CYRIA: variants seen among roughly 807,000 people sequenced by gnomAD.
CYRIA encodes the protein CYFIP related Rac1 interactor A.
A neutral mutation model predicts 43.9 loss-of-function variants in CYRIA; 15 were observed. The observed-to-expected ratio is 0.34, with a 90% CI of 0.23 to 0.53. CYRIA has a LOEUF of 0.53. Ranked by LOEUF, CYRIA falls within the 20% of genes least tolerant of loss-of-function variation. The probability of loss-of-function intolerance (pLI) is 0.94; values close to 1 mark genes in which losing one functional copy is unlikely to be tolerated. For missense variants in CYRIA, 236 were observed against 394.2 expected (o/e 0.60, Z 3.40); for synonymous variants, 117 against 136.0 (o/e 0.86, Z 0.97).
rs1312007156 is a variant in CYRIA at position 16,622,896 on chromosome 2, T to C, written c.-11+968A>G. 3 of 152,290 alleles carry C rather than the reference T, an allele frequency of 2.0e-5. No homozygotes were observed. In the East Asian group the frequency reaches 5.8e-4, roughly 29 times the overall value. 9.4% of individuals were successfully genotyped at this position (152,290 alleles called of 1,614,324 possible). On this transcript the variant is annotated intron_variant, in intron 2 of 11. Coordinates refer to ENST00000381323, the MANE Select transcript of CYRIA (RefSeq NM_030797.4). ...AAGAAACAAGTCTGGGATAAGACAA[T>C]CCTGGGAATGCAAAACAAGCTTTAG...
intron 2 of CYRIA, among the ~76,000 whole-genome samples, chr2:16,611,409 C>A (rs567898172): frequency 2.0e-5 from 3 of 152,120 alleles, no homozygotes; most frequent in African/African-American, 7.2e-5. Flanking sequence ...GAAATAAATA[C>A]ATGAGCATTG....
At chr2:16,649,200 A>G (rs1315637269) in intron 1 of CYRIA, among the ~76,000 whole-genome samples, 2 of 152,244 alleles carry the variant, frequency 1.3e-5, no homozygotes, top group Non-Finnish European at 2.9e-5. Flanking sequence ...AGTATATAGG[A>G]GGAGATACAT....
chr2:16,665,075 C>T (rs912623248), intron 1 of CYRIA, among the ~76,000 whole-genome samples: 7 of 152,166 alleles, frequency 4.6e-5, no homozygotes, highest in African/African-American at 7.2e-5. Flanking sequence ...GACGGGCTGG[C>T]CCATTTTGAC....
At chr2:16,605,205 T>C (rs1053495200) in intron 2 of CYRIA, among the ~76,000 whole-genome samples, 2 of 152,176 alleles carry the variant, frequency 1.3e-5, no homozygotes, top group Admixed American at 1.3e-4. Flanking sequence ...ATATCTGAGT[T>C]CAGTTTTCTA....
At chr2:16,624,988 C>T (rs548037073) in intron 1 of CYRIA, among the ~76,000 whole-genome samples, 2 of 152,320 alleles carry the variant, frequency 1.3e-5, no homozygotes, top group African/African-American at 4.8e-5. Flanking sequence ...CCTAAATCTA[C>T]TTTTTGCTAT....
intron 2 of CYRIA, among the ~76,000 whole-genome samples, chr2:16,591,217 A>G (rs2103464171): frequency 6.6e-6 from 1 of 152,288 alleles, no homozygotes; most frequent in South Asian, 2.1e-4. Flanking sequence ...AATGCAAATA[A>G]ATAATGGAAG....
chr2:16,566,473 T>C (rs1666936060), intron 3 of CYRIA, among the ~76,000 whole-genome samples: 1 of 152,194 alleles, frequency 6.6e-6, no homozygotes, highest in Admixed American at 6.5e-5. Flanking sequence ...GACAGAGGCA[T>C]ATCATTCCTG....
intron 2 of CYRIA, among the ~76,000 whole-genome samples, chr2:16,603,615 T>C (rs1005470057): frequency 6.6e-6 from 1 of 152,208 alleles, no homozygotes; most frequent in Non-Finnish European, 1.5e-5. Flanking sequence ...GCTCCTCGTC[T>C]CTGCTCACCT....
chr2:16,572,483 C>G (rs1040554170), intron 3 of CYRIA, among the ~76,000 whole-genome samples: 15 of 152,098 alleles, frequency 9.9e-5, no homozygotes, highest in African/African-American at 3.6e-4. Flanking sequence ...GATTATCAAG[C>G]CTCCTCTGAA....
At chr2:16,655,192 A>G (rs1670078612) in intron 1 of CYRIA, among the ~76,000 whole-genome samples, 1 of 152,232 alleles carries the variant, frequency 6.6e-6, no homozygotes, top group Non-Finnish European at 1.5e-5. Context: ...CCCATGGGGA[A>G]GAGGGCTCTT....
At chr2:16,608,107 C>G (rs1668472360) in intron 2 of CYRIA, among the ~76,000 whole-genome samples, 1 of 152,136 alleles carries the variant, frequency 6.6e-6, no homozygotes, top group African/African-American at 2.4e-5. Context: ...AACCACCAAG[C>G]AGGGTCCCAC....
intron 11 of CYRIA, among the ~76,000 whole-genome samples, chr2:16,554,137 T>C (rs1480090752): frequency 6.6e-6 from 1 of 152,120 alleles, no homozygotes; most frequent in Admixed American, 6.6e-5. Context: ...TGAGACAATA[T>C]GATTAGAAGT....
At chr2:16,557,543 TA>T (rs35620535) in intron 10 of CYRIA, among the ~76,000 whole-genome samples, 47,738 of 150,404 alleles carry the variant, frequency 0.32, 8,418 homozygotes, top group African/African-American at 0.47. Flanking sequence ...CTATATGTCG[TA>T]AAAAAAAAAT....
chr2:16,565,738 T>G lies in CYRIA; in HGVS notation c.100A>C (p.Ile34Leu), dbSNP rs774525878. Residue 34 changes from isoleucine (I) to leucine (L), a missense_variant, in exon 4 of 12, where the codon ATC becomes CTC. Transcript: ENST00000381323. ...AGGACGGCGCTGATCTGGTTCCAGATTTCTCTCTCTCCTTCTGTAGGCTGA... is the reference window on the plus strand; with the variant it reads ...AGGACGGCGCTGATCTGGTTCCAGAGTTCTCTCTCTCCTTCTGTAGGCTGA... ...NAQPTEGERE[I>L]WNQISAVLQD... 1.9e-6 allele frequency: 3 copies of G among 1,583,804 alleles called. No individual in the cohort carries two copies. The Admixed American group carries it at 5.0e-5, about 27-fold the overall frequency.
rs539262658 is a variant in CYRIA at position 16,593,456 on chromosome 2, C to T, written c.-10-5327G>A. Among the ~76,000 whole-genome samples, 10 of 152,062 alleles carry T rather than the reference C, an allele frequency of 6.6e-5. No homozygotes were observed. The South Asian group carries it at 1.5e-3, about 22-fold the overall frequency. On this transcript the variant is annotated intron_variant, in intron 2 of 11. Transcript: ENST00000381323. The stretch of plus-strand genomic sequence containing the variant: ...TGGAAAACTAAGAATTATTAAAATT[C>T]AGTGTAGAAGCTGATTAAAAAATAT...
chr2:16,559,350 A>T (rs1201739839), intron 10 of CYRIA, 110 bp downstream of exon 10: 16 of 1,307,364 alleles, frequency 1.2e-5, no homozygotes, highest in Non-Finnish European at 1.7e-5. Context: ...TGTGCATCTT[A>T]GAAAGATCAC....
Position 16,558,670 on chromosome 2 carries a change from C to T in CYRIA, c.837+790G>A, listed in dbSNP as rs770421677. ...TCATGTGTTTTCAATTATCTTCATTCATTCATTCATTCATCCATCAAAACA... is the reference window on the plus strand; with the variant it reads ...TCATGTGTTTTCAATTATCTTCATTTATTCATTCATTCATCCATCAAAACA... On this transcript the variant is annotated intron_variant, in intron 10 of 11. Coordinates refer to ENST00000381323, the MANE Select transcript of CYRIA (RefSeq NM_030797.4). Among the ~76,000 whole-genome samples the T allele has an allele frequency of 2.6e-5, 4 of 152,254 alleles. No individual in the cohort carries two copies. The East Asian group carries it at 7.7e-4, about 29-fold the overall frequency.
chr2:16,586,659 A>G (rs923895080), intron 3 of CYRIA, among the ~76,000 whole-genome samples: 5 of 152,044 alleles, frequency 3.3e-5, no homozygotes, highest in African/African-American at 4.8e-5. Context: ...AAAAAAAAAA[A>G]AAATACACCT....
At chr2:16,558,215 T>A (rs1666598693) in intron 10 of CYRIA, among the ~76,000 whole-genome samples, 1 of 152,156 alleles carries the variant, frequency 6.6e-6, no homozygotes, top group African/African-American at 2.4e-5. Flanking sequence ...TCAAAATTTT[T>A]TTCACATAAA....
Sources: gnomAD v4.1 joint callset for allele counts (sites outside exome capture counted in the v4.1 genomes callset) on GRCh38, gnomAD v4.1.1 for gene constraint, MANE v1.5 for transcripts, NCBI Gene and HGNC (gene_info 2026-07-23, HGNC 2026-07-21) for gene names.